COL5A2: variants seen among roughly 807,000 people sequenced by gnomAD.
COL5A2 encodes the protein collagen type V alpha 2 chain.
Under a neutral mutation model 208.2 loss-of-function variants are expected in COL5A2, and 23 were observed. The observed-to-expected ratio is 0.11, with a 90% CI of 0.08 to 0.16. The LOEUF (loss-of-function observed/expected upper bound fraction) is 0.16. Ranked by LOEUF, COL5A2 falls within the 10% of genes least tolerant of loss-of-function variation. The pLI is 1.00. For synonymous variants in COL5A2, 625 were observed against 628.5 expected (o/e 0.99, Z 0.08); for missense variants, 1,590 against 1,956.4 (o/e 0.81, Z 3.53).
Position 189,063,010 on chromosome 2 carries a change from C to T in COL5A2, c.1923G>A (p.Arg641=). 1 of 1,614,000 alleles carries T rather than the reference C, an allele frequency of 6.2e-7. No homozygotes were observed. Among genetic ancestry groups the T allele is most frequent in the South Asian group, 1.1e-5 (1 of 91,074 alleles). Residue 641 remains arginine (R), a splice_region_variant and synonymous_variant, in exon 28 of 54, where the codon AGG becomes AGA. Coordinates refer to ENST00000374866, the MANE Select transcript of COL5A2 (RefSeq NM_000393.5). ...TCTTTAGCAGAAAATGTATATTTAC[C>T]CTCTGCCCAGGAACTCCAGCATTTC... is the stretch of plus-strand genomic sequence containing the variant. ...EAGNAGVPGQ[R]GAPGKDGEVG... is the part of the protein sequence containing the mutation.
chr2:189,181,870 T>C (rs990887299), upstream of COL5A2, among the ~76,000 whole-genome samples: 14 of 152,234 alleles, frequency 9.2e-5, no homozygotes, highest in Admixed American at 5.2e-4. Context: ...CAGTCTCTCA[T>C]GGTTGCCACC....
chr2:189,039,522 G>A lies in COL5A2; in HGVS notation c.3675C>T (p.Pro1225=). 1.2e-6 allele frequency: 2 copies of A among 1,613,996 alleles called. No individual in the cohort carries two copies. Reference sequence around the variant, plus strand: ...CAAGAGCAGCTGTAAGGTGGCCAGGGGGACCCGGAGGGCCAGGTGGGCCAG... The same window carrying A: ...CAAGAGCAGCTGTAAGGTGGCCAGGAGGACCCGGAGGGCCAGGTGGGCCAG... The part of the protein sequence containing the change: ...GEPGPPGPPG[P]PGHLTAALGD... The change falls in exon 51 of 54, where the codon CCC becomes CCT. Residue 1225 remains proline, a synonymous_variant. Coordinates refer to ENST00000374866, the MANE Select transcript of COL5A2 (RefSeq NM_000393.5).
chr2:189,426,300 C>T, the COL5A2 span, among the ~76,000 whole-genome samples: 1 of 152,150 alleles, frequency 6.6e-6, no homozygotes, highest in Non-Finnish European at 1.5e-5. Context: ...CTTAGGACTG[C>T]CTCCCATTCT....
chr2:189,272,920 G>C, the COL5A2 span, among the ~76,000 whole-genome samples: 2 of 152,128 alleles, frequency 1.3e-5, no homozygotes, highest in African/African-American at 2.4e-5. Flanking sequence ...TTTGTGAAAT[G>C]ATTATAACTT....
the COL5A2 span, among the ~76,000 whole-genome samples, chr2:189,284,713 C>T: frequency 4.6e-5 from 7 of 152,052 alleles, no homozygotes; most frequent in African/African-American, 1.7e-4. Flanking sequence ...TGCTTAACAA[C>T]AAGGATATTT....
At chr2:189,317,144 T>C in the COL5A2 span, among the ~76,000 whole-genome samples, 1 of 152,124 alleles carries the variant, frequency 6.6e-6, no homozygotes, top group African/African-American at 2.4e-5. Context: ...TTCTATAGCA[T>C]AAGATAATGT....
intron 33 of COL5A2, 128 bp from the exon 34 acceptor site, chr2:189,057,555 A>C (rs2105575871): frequency 1.4e-6 from 1 of 718,260 alleles, no homozygotes; most frequent in Admixed American, 2.2e-5. Context: ...TATATTTTTC[A>C]TCTGAGAAAG....
At chr2:189,042,909 G>C in intron 48 of COL5A2, 136 bp from the exon 49 acceptor site, 3 of 891,448 alleles carry the variant, frequency 3.4e-6, no homozygotes, top group Non-Finnish European at 5.4e-6. Context: ...ATGTCTACAT[G>C]AGTTGACCAA....
chr2:189,336,758 T>C, the COL5A2 span, among the ~76,000 whole-genome samples: 3 of 152,196 alleles, frequency 2.0e-5, no homozygotes, highest in African/African-American at 2.4e-5. Flanking sequence ...GGAACTGTTA[T>C]GTATTGGTTT....
intron 2 of COL5A2, among the ~76,000 whole-genome samples, chr2:189,109,675 G>A (rs1687221663): frequency 6.6e-6 from 1 of 152,086 alleles, no homozygotes; most frequent in South Asian, 2.1e-4. Context: ...CTTCAAAGAA[G>A]TTTTAAAAGT....
chr2:189,310,140 AT>A, the COL5A2 span, among the ~76,000 whole-genome samples: 2 of 152,214 alleles, frequency 1.3e-5, no homozygotes, highest in Non-Finnish European at 2.9e-5. Context: ...TTAATAAATG[AT>A]TTTTTAAAAT....
intron 35 of COL5A2, 41 bp downstream of exon 35, chr2:189,056,932 T>C (rs1685911960): frequency 1.9e-6 from 3 of 1,596,030 alleles, no homozygotes; most frequent in East Asian, 2.2e-5. Flanking sequence ...TACTGTAATG[T>C]TGGTTCCTAG....
chr2:189,158,930 G>A (rs1688306412), intron 1 of COL5A2, among the ~76,000 whole-genome samples: 1 of 152,228 alleles, frequency 6.6e-6, no homozygotes, highest in East Asian at 1.9e-4. Context: ...AGGAACCAAG[G>A]ATTCTGCTTC....
intron 1 of COL5A2, among the ~76,000 whole-genome samples, chr2:189,205,486 C>A (rs1315463650): frequency 6.6e-6 from 1 of 152,094 alleles, no homozygotes; most frequent in Non-Finnish European, 1.5e-5. Context: ...TAGTTTTCAG[C>A]AAAATAATGG....
chr2:189,059,024 A>C (rs1416819778), intron 31 of COL5A2, 131 bp from the exon 32 acceptor site: 5 of 681,836 alleles, frequency 7.3e-6, no homozygotes, highest in Non-Finnish European at 5.2e-6. Context: ...AACAATTTAA[A>C]GAAAGAAAAG....
intron 1 of COL5A2, among the ~76,000 whole-genome samples, chr2:189,220,009 T>C (rs1421402323): frequency 2.0e-5 from 3 of 152,194 alleles, no homozygotes; most frequent in Non-Finnish European, 2.9e-5. Context: ...AGCAGTTCTG[T>C]GTAGAGCACA....
the COL5A2 span, among the ~76,000 whole-genome samples, chr2:189,326,585 C>CAG: frequency 2.0e-5 from 3 of 151,830 alleles, no homozygotes; most frequent in Non-Finnish European, 4.4e-5. Context: ...CCCAGCTACC[C>CAG]AGAAGGCTGA....
At chr2:189,311,696 G>T in the COL5A2 span, 2 of 752,844 alleles carry the variant, frequency 2.7e-6, no homozygotes, top group Non-Finnish European at 4.8e-6. Flanking sequence ...AACCTCAGTG[G>T]ACTGCATGGT....
the COL5A2 span, among the ~76,000 whole-genome samples, chr2:189,296,178 A>T: frequency 1.3e-5 from 2 of 152,136 alleles, no homozygotes; most frequent in Non-Finnish European, 2.9e-5. Flanking sequence ...TCTCAAGTTT[A>T]GCCAAAAATT....
Sources: gnomAD v4.1 joint callset for allele counts (sites outside exome capture counted in the v4.1 genomes callset) on GRCh38, gnomAD v4.1.1 for gene constraint, MANE v1.5 for transcripts, NCBI Gene and HGNC (gene_info 2026-07-23, HGNC 2026-07-21) for gene names.